Variants in LARP4 observed in about 807,000 individuals in gnomAD.
LARP4 encodes the protein la-related protein 4.
LARP4 carries 29 observed loss-of-function variants against 92.9 expected under a neutral mutation model. The ratio of observed to expected loss-of-function variants is 0.31; its 90% CI spans 0.23 to 0.43. The LOEUF (loss-of-function observed/expected upper bound fraction) is 0.43, where lower values mean the gene tolerates loss of function less well. Among genes scored for constraint, LARP4 ranks in the 20% least tolerant of loss-of-function variants. LARP4 has a pLI of 1.00. For synonymous variants in LARP4, 279 were observed against 284.1 expected, an observed-to-expected ratio of 0.98 and a Z score of 0.18; for missense variants, 732 against 860.0, an observed-to-expected ratio of 0.85 and a Z score of 1.86.
chr12:50,427,996 T>TTTG, intron 2 of LARP4, 87 bp downstream of exon 2: 2 of 705,106 alleles, frequency 2.8e-6, no homozygotes, highest in African/African-American at 3.8e-5. Flanking sequence ...CACATCTCTT[T>TTTG]TTTTTTTTTT....
At chr12:50,452,087 A>G (rs941234016) in intron 8 of LARP4, among the ~76,000 whole-genome samples, 1 of 152,174 alleles carries the variant, frequency 6.6e-6, no homozygotes, top group Non-Finnish European at 1.5e-5. Context: ...TGCTGTGGAC[A>G]CCGGGTTGTT....
intron 4 of LARP4, among the ~76,000 whole-genome samples, chr12:50,432,316 G>A (rs1949780856): frequency 6.6e-6 from 1 of 152,170 alleles, no homozygotes; most frequent in Non-Finnish European, 1.5e-5. Context: ...CTGTTAGGCA[G>A]AGAGTGATAT....
chr12:50,411,442 C>T (rs779799675), intron 1 of LARP4, among the ~76,000 whole-genome samples: 3 of 151,890 alleles, frequency 2.0e-5, no homozygotes, highest in Non-Finnish European at 1.5e-5. Context: ...CCCTGCCTCC[C>T]GGGTTCAAGT....
chr12:50,441,779 TGGCTCACACCTGTGATCCCAG>T, intron 8 of LARP4, 136 bp downstream of exon 8: 1 of 692,088 alleles, frequency 1.4e-6, no homozygotes. Context: ...CCAGGCGTGG[TGGCTCACACCTGTGATCCCAG>T]CACTTTGGGA....
intron 10 of LARP4, among the ~76,000 whole-genome samples, chr12:50,457,778 C>T (rs542760740): frequency 5.3e-4 from 79 of 149,232 alleles, no homozygotes; most frequent in Admixed American, 1.5e-3. Flanking sequence ...CGCACCACCT[C>T]GCTCCAGCCT....
intron 1 of LARP4, among the ~76,000 whole-genome samples, chr12:50,419,391 T>C (rs974070003): frequency 1.3e-5 from 2 of 151,906 alleles, no homozygotes; most frequent in Non-Finnish European, 2.9e-5. Flanking sequence ...AAAAAGACTT[T>C]CCCAGAGAAA....
chr12:50,439,667 G>A (rs146420674), intron 6 of LARP4, among the ~76,000 whole-genome samples: 11 of 152,268 alleles, frequency 7.2e-5, no homozygotes, highest in African/African-American at 2.6e-4. Context: ...AAAGTGCTGA[G>A]ATTACAGAAG....
intron 8 of LARP4, among the ~76,000 whole-genome samples, chr12:50,450,880 T>C (rs1953070028): frequency 6.6e-6 from 1 of 152,196 alleles, no homozygotes; most frequent in African/African-American, 2.4e-5. Context: ...GAGCATTTTT[T>C]CAGTTCTTTT....
intron 12 of LARP4, among the ~76,000 whole-genome samples, chr12:50,465,439 AG>A (rs1207239435): frequency 1.3e-5 from 2 of 151,392 alleles, no homozygotes; most frequent in African/African-American, 4.8e-5. Context: ...GTCATGATGG[AG>A]GACTAAACAT....
At position 50,461,160 on chromosome 12, in the gene LARP4, G is replaced by C. The variant is rs1955307166; in HGVS notation, c.1147G>C (p.Gly383Arg). 4 of 1,613,846 alleles carry C rather than the reference G, an allele frequency of 2.5e-6. No individual in the cohort carries two copies. Among genetic ancestry groups the C allele is most frequent in the Non-Finnish European group, 3.4e-6 (4 of 1,179,818 alleles). ...TGTGAAGCCTCAGTTTAGGTCATCT[G>C]GTGGTTCAGAACACTCAACAGAGGG... Reference protein sequence around the residue: ...NRVKPQFRSSGGSEHSTEGSV... With the variant: ...NRVKPQFRSSRGSEHSTEGSV... Residue 383 changes from glycine (G) to arginine (R), a missense_variant, in exon 11 of 16, where the codon GGT becomes CGT. This residue lies in a region of LARP4 where 264 missense variants were observed against 269.5 expected (regional missense o/e 0.98). Coordinates refer to ENST00000398473, the MANE Select transcript of LARP4 (RefSeq NM_052879.5).
chr12:50,443,468 T>A (rs892935084), intron 8 of LARP4, among the ~76,000 whole-genome samples: 2 of 152,050 alleles, frequency 1.3e-5, no homozygotes, highest in African/African-American at 2.4e-5. Context: ...TTGGGGTCTA[T>A]GTTGCCTAGG....
chr12:50,435,635 A>T lies in LARP4; in HGVS notation c.535+11A>T. 1 of 1,552,290 alleles carries T rather than the reference A, an allele frequency of 6.4e-7. No individual in the cohort carries two copies. The highest frequency in any genetic ancestry group is 8.7e-7 in the Non-Finnish European group (1 of 1,146,648). ...TTGAAGTGTTAAGATGTATGTAAAA[A>T]TACCTTTTAGCTTTTTTTTTAATTT... On this transcript the variant is annotated intron_variant, in intron 5 of 15. Coordinates refer to ENST00000398473, the MANE Select transcript of LARP4 (RefSeq NM_052879.5).
rs956448862 is a variant in LARP4, at chr12:50,454,518, GT to G, written c.1121+102del. The G allele has an allele frequency of 9.1e-6, 8 of 883,436 alleles. No homozygotes were observed. The East Asian group carries it at 2.1e-4, about 23-fold the overall frequency. The allele number at this position is 883,436 out of a possible 1,614,324, so 54.7% of individuals were successfully genotyped here. ...TTGTCAGGCTCAGTAATAAGGTTTG[GT>G]GGATTTTTTGTTTGTTTTGTTTTTA... is the stretch of plus-strand genomic sequence containing the variant. On this transcript the variant is annotated intron_variant, in intron 10 of 15. Transcript: ENST00000398473.
At chr12:50,464,650 C>G (rs1439686426) in intron 12 of LARP4, among the ~76,000 whole-genome samples, 1 of 151,902 alleles carries the variant, frequency 6.6e-6, no homozygotes, top group South Asian at 2.1e-4. Context: ...GCCTTGGCCT[C>G]CCAGAGTGCT....
chr12:50,451,952 A>C (rs1166039296), intron 8 of LARP4, among the ~76,000 whole-genome samples: 1 of 152,040 alleles, frequency 6.6e-6, no homozygotes, highest in African/African-American at 2.4e-5. Flanking sequence ...GCAGTGAGCC[A>C]AGATTGCACC....
At chr12:50,403,127 G>T (rs1032836221) in intron 1 of LARP4, among the ~76,000 whole-genome samples, 1 of 152,132 alleles carries the variant, frequency 6.6e-6, no homozygotes, top group Admixed American at 6.6e-5. Flanking sequence ...TAATGTGGGG[G>T]CTAAAGTCTG....
chr12:50,440,573 A>G, intron 7 of LARP4, 24 bp downstream of exon 7: 1 of 1,507,658 alleles, frequency 6.6e-7, no homozygotes, highest in South Asian at 1.1e-5. Context: ...ATTTTCTGAT[A>G]CAAGTCCATC....
chr12:50,469,265 C>T (rs1250989236), intron 13 of LARP4, among the ~76,000 whole-genome samples: 1 of 151,812 alleles, frequency 6.6e-6, no homozygotes, highest in Non-Finnish European at 1.5e-5. Context: ...ACACTTTTTT[C>T]CCCCCATGTT....
At chr12:50,448,499 A>G (rs1281052594) in intron 8 of LARP4, among the ~76,000 whole-genome samples, 1 of 152,148 alleles carries the variant, frequency 6.6e-6, no homozygotes, top group African/African-American at 2.4e-5. Flanking sequence ...TCCATAAATA[A>G]ATTAAGATTT....
Sources: allele counts gnomAD v4.1 joint callset (sites outside exome capture counted in the v4.1 genomes callset), GRCh38; gene constraint gnomAD v4.1.1; regional missense constraint gnomAD v4.1.1; transcripts MANE v1.5; gene names NCBI Gene and HGNC (gene_info 2026-07-23, HGNC 2026-07-21).